The following ATP8A2 variants were observed in gnomAD, a reference collection of about 807,000 sequenced individuals.
ATP8A2 encodes ATPase phospholipid transporting 8A2.
Under a neutral mutation model 165.6 loss-of-function variants are expected in ATP8A2, and 100 were observed. The ratio of observed to expected loss-of-function variants is 0.60; its 90% CI spans 0.51 to 0.71. ATP8A2 has a LOEUF of 0.71. Among genes scored for constraint, ATP8A2 ranks in the 30% least tolerant of loss-of-function variants. The pLI is 0.00. For synonymous variants in ATP8A2, 543 were observed against 548.8 expected, an observed-to-expected ratio of 0.99 and a Z score of 0.15; for missense variants, 1,227 against 1,479.5, an observed-to-expected ratio of 0.83 and a Z score of 2.80.
At chr13:25,730,067 AT>A (rs1473595865) in intron 25 of ATP8A2, among the ~76,000 whole-genome samples, 1 of 145,958 alleles carries the variant, frequency 6.9e-6, no homozygotes, top group African/African-American at 2.7e-5. Flanking sequence ...AGGTGGGCAG[AT>A]TGCTTGAACC....
chr13:25,881,176 C>T (rs1281770720), intron 33 of ATP8A2, among the ~76,000 whole-genome samples: 1 of 152,078 alleles, frequency 6.6e-6, no homozygotes, highest in Non-Finnish European at 1.5e-5. Flanking sequence ...TCCTTTTCCA[C>T]ACTTGGTAGA....
intron 24 of ATP8A2, among the ~76,000 whole-genome samples, chr13:25,660,957 C>T (rs778887329): frequency 6.6e-6 from 1 of 152,092 alleles, no homozygotes; most frequent in African/African-American, 2.4e-5. Flanking sequence ...GAAGTGGGAG[C>T]GTAGCTTGCA....
At chr13:25,961,978 C>T (rs1444871105) in intron 34 of ATP8A2, among the ~76,000 whole-genome samples, 7 of 151,908 alleles carry the variant, frequency 4.6e-5, no homozygotes, top group South Asian at 2.1e-4. Context: ...GAGCTATGGT[C>T]GTGCCACTAT....
At chr13:25,850,285 A>G (rs1951972540) in intron 30 of ATP8A2, among the ~76,000 whole-genome samples, 1 of 152,204 alleles carries the variant, frequency 6.6e-6, no homozygotes, top group African/African-American at 2.4e-5. Context: ...TGGTGAGATC[A>G]CATCTCTCCA....
chr13:25,520,801 A>G (rs184506089), intron 2 of ATP8A2, among the ~76,000 whole-genome samples: 6 of 151,800 alleles, frequency 4.0e-5, no homozygotes, highest in Non-Finnish European at 7.4e-5. Flanking sequence ...TTTTTAGTAG[A>G]GACAAGGTTT....
intron 25 of ATP8A2, among the ~76,000 whole-genome samples, chr13:25,752,189 A>C (rs2044166101): frequency 6.6e-6 from 1 of 152,118 alleles, no homozygotes; most frequent in Non-Finnish European, 1.5e-5. Context: ...GGCCAGGCGC[A>C]GTGGCTCACG....
chr13:25,987,570 C>T (rs1479141240), intron 35 of ATP8A2, among the ~76,000 whole-genome samples: 1 of 152,172 alleles, frequency 6.6e-6, no homozygotes, highest in East Asian at 1.9e-4. Flanking sequence ...GCTGTTGCCT[C>T]ACTCCCCGTC....
intron 33 of ATP8A2, among the ~76,000 whole-genome samples, chr13:25,930,075 A>G (rs1193848790): frequency 3.9e-5 from 6 of 152,080 alleles, no homozygotes; most frequent in South Asian, 4.2e-4. Context: ...CTCATGGGTC[A>G]TGAGGGTCTT....
intron 2 of ATP8A2, among the ~76,000 whole-genome samples, chr13:25,471,558 G>C (rs2035847428): frequency 6.6e-6 from 1 of 152,214 alleles, no homozygotes; most frequent in Non-Finnish European, 1.5e-5. Context: ...GGCCAGGCTG[G>C]TCTCAAACTA....
chr13:25,621,212 A>G (rs1261306762), intron 24 of ATP8A2, among the ~76,000 whole-genome samples: 1 of 152,198 alleles, frequency 6.6e-6, no homozygotes, highest in Non-Finnish European at 1.5e-5. Context: ...ATGTTTACTT[A>G]GTAACTAGGA....
At chr13:25,821,016 A>G (rs1163778111) in intron 27 of ATP8A2, among the ~76,000 whole-genome samples, 2 of 151,976 alleles carry the variant, frequency 1.3e-5, no homozygotes, top group Admixed American at 1.3e-4. Flanking sequence ...CTAATGATGG[A>G]TTATTTGAAT....
chr13:25,394,160 G>GT (rs138871073), intron 1 of ATP8A2, among the ~76,000 whole-genome samples: 3,160 of 152,290 alleles, frequency 0.021, 112 homozygotes, highest in African/African-American at 0.072. Flanking sequence ...GATGGTTTCA[G>GT]TATTTTAGGT....
chr13:25,441,225 A>G (rs1463292690), intron 1 of ATP8A2, among the ~76,000 whole-genome samples: 1 of 152,242 alleles, frequency 6.6e-6, no homozygotes, highest in Non-Finnish European at 1.5e-5. Flanking sequence ...GCTAAAGTAT[A>G]GAAATCCAAA....
At chr13:25,556,994 C>CT (rs1391031677) in intron 13 of ATP8A2, among the ~76,000 whole-genome samples, 2 of 152,078 alleles carry the variant, frequency 1.3e-5, no homozygotes, top group African/African-American at 4.8e-5. Context: ...CTTCATTTTT[C>CT]TTTCCTCGAG....
chr13:25,765,898 C>T (rs2138271978), intron 25 of ATP8A2, among the ~76,000 whole-genome samples: 1 of 152,310 alleles, frequency 6.6e-6, no homozygotes, highest in South Asian at 2.1e-4. Context: ...CTGTTCCACT[C>T]CTGAGATTTT....
chr13:25,700,028 A>T (rs1234344743), intron 25 of ATP8A2, among the ~76,000 whole-genome samples: 1 of 152,176 alleles, frequency 6.6e-6, no homozygotes, highest in Non-Finnish European at 1.5e-5. Flanking sequence ...GAGCATCAGT[A>T]GTGGAAAGGC....
At chr13:25,758,630 A>G (rs943983548) in intron 25 of ATP8A2, among the ~76,000 whole-genome samples, 1 of 152,172 alleles carries the variant, frequency 6.6e-6, no homozygotes, top group Non-Finnish European at 1.5e-5. Context: ...GCAGGCCCCC[A>G]TGTACCTATA....
At position 25,600,888 on chromosome 13, in the gene ATP8A2, C is replaced by T. The variant is rs576810704; in HGVS notation, c.2211+11189C>T. The stretch of plus-strand genomic sequence containing the variant: ...CAGATAATATCTAGCACCAGCTCAC[C>T]TGTAGGCAGGAAGTAGGCATCAGGA... On this transcript the variant is annotated intron_variant, in intron 24 of 36. Coordinates refer to ENST00000381655, the MANE Select transcript of ATP8A2 (RefSeq NM_016529.6). Among the ~76,000 whole-genome samples the T allele has an allele frequency of 4.6e-5, 7 of 152,278 alleles. No individual in the cohort carries two copies. The East Asian group carries it at 7.7e-4, about 17-fold the overall frequency.
intron 1 of ATP8A2, among the ~76,000 whole-genome samples, chr13:25,439,928 T>C (rs1199295669): frequency 2.0e-5 from 3 of 151,986 alleles, no homozygotes; most frequent in African/African-American, 7.2e-5. Flanking sequence ...AAATTAAAAG[T>C]TAACCAAAAG....
Sources: allele counts gnomAD v4.1 joint callset (sites outside exome capture counted in the v4.1 genomes callset), GRCh38; gene constraint gnomAD v4.1.1; transcripts MANE v1.5; gene names NCBI Gene and HGNC (gene_info 2026-07-23, HGNC 2026-07-21).